The following ARHGAP35 variants were observed in gnomAD, a reference collection of about 807,000 sequenced individuals.
ARHGAP35 encodes rho GTPase-activating protein 35.
Under a neutral mutation model 111.1 loss-of-function variants are expected in ARHGAP35, and 15 were observed. That is an observed-to-expected ratio of 0.13 (90% CI 0.09 to 0.21). ARHGAP35 has a LOEUF of 0.21. Ranked by LOEUF, ARHGAP35 falls within the 10% of genes least tolerant of loss-of-function variation. ARHGAP35 has a pLI of 1.00. For missense variants in ARHGAP35, 1,262 were observed against 1,873.0 expected (o/e 0.67, Z 6.02); for synonymous variants, 643 against 710.3 (o/e 0.91, Z 1.51).
intron 3 of ARHGAP35, among the ~76,000 whole-genome samples, chr19:46,974,541 C>T (rs561296517): frequency 4.6e-5 from 7 of 152,242 alleles, no homozygotes; most frequent in African/African-American, 9.6e-5. Flanking sequence ...TATGCAAGGG[C>T]GGCGATTCAC....
chr19:46,922,265 G>T lies in ARHGAP35; in HGVS notation c.3590G>T (p.Gly1197Val). 6.2e-7 allele frequency: 1 copy of T among 1,613,990 alleles called. No individual in the cohort carries two copies. The highest frequency in any genetic ancestry group is 8.5e-7 in the Non-Finnish European group (1 of 1,179,892). ...RKKEEDQASQGYKGDNAVIPY... is the reference protein window; with the variant it reads ...RKKEEDQASQVYKGDNAVIPY... ...AAAGAGGAGGATCAGGCATCCCAGG[G>T]TTATAAAGGGGACAATGCTGTCATT... The change falls in exon 2 of 7, where the codon GGT becomes GTT. Residue 1197 changes from glycine to valine, a missense_variant. Transcript: ENST00000672722. The surrounding 1 kb of genome is among the most constrained non-coding windows in gnomAD (Gnocchi z 4.0).
intron 1 of ARHGAP35, among the ~76,000 whole-genome samples, chr19:46,892,468 CAAAAAAA>C (rs982546554): frequency 1.5e-4 from 10 of 67,120 alleles, no homozygotes; most frequent in Non-Finnish European, 2.1e-4. Context: ...AACCCTGTCT[CAAAAAAA>C]AAAAAAAAAA....
In ARHGAP35 at chr19:46,994,618, C is replaced by T. The variant is rs1351649985; in HGVS notation, c.4037-4686C>T. Among the ~76,000 whole-genome samples, 1 of 152,134 alleles carries T rather than the reference C, an allele frequency of 6.6e-6. No homozygotes were observed. The highest frequency in any genetic ancestry group is 2.4e-5 in the African/African-American group (1 of 41,432). ...TGAGGATGGTGGTCAGGAGGGGAAA[C>T]AGAGGCAGGGCCAGGAAGGCCTCGA... On this transcript the variant is annotated intron_variant, in intron 5 of 6. Coordinates refer to ENST00000672722, the MANE Select transcript of ARHGAP35 (RefSeq NM_004491.5). This position sits in a 1 kb window ranked among gnomAD's most constrained non-coding sequence, Gnocchi z 5.4.
rs2122202868 is a variant in ARHGAP35, at chr19:46,922,985, C to T, written c.3681+629C>T. 6.6e-6 allele frequency among the ~76,000 whole-genome samples: 1 copy of T among 152,058 alleles called. No individual in the cohort carries two copies. The highest frequency in any genetic ancestry group is 1.5e-5 in the Non-Finnish European group (1 of 68,016). On this transcript the variant is annotated intron_variant, in intron 2 of 6. Coordinates refer to ENST00000672722, the MANE Select transcript of ARHGAP35 (RefSeq NM_004491.5). The surrounding 1 kb of genome is among the most constrained non-coding windows in gnomAD (Gnocchi z 4.0). The stretch of plus-strand genomic sequence containing the variant: ...AGTTGCTGCTGCTATCAGTCAGAAA[C>T]TCGGATTTTATTTAGGGATCACAAA...
At chr19:46,979,483 A>G (rs2056608747) in intron 3 of ARHGAP35, among the ~76,000 whole-genome samples, 1 of 152,124 alleles carries the variant, frequency 6.6e-6, no homozygotes, top group African/African-American at 2.4e-5. Context: ...AGCTGTTGGG[A>G]TATGCATTTT....
chr19:46,867,334 T>C (rs2055863634), intron 1 of ARHGAP35, among the ~76,000 whole-genome samples: 1 of 152,226 alleles, frequency 6.6e-6, no homozygotes, highest in African/African-American at 2.4e-5. Context: ...TTTGCTCTCC[T>C]GATATCTCTG....
intron 5 of ARHGAP35, among the ~76,000 whole-genome samples, chr19:46,996,895 C>T (rs1034840058): frequency 6.6e-5 from 10 of 152,196 alleles, no homozygotes; most frequent in African/African-American, 2.4e-4. Context: ...CGGTGGCTCA[C>T]GCCTGTAATC....
At chr19:46,892,772 A>T (rs1004020742) in intron 1 of ARHGAP35, among the ~76,000 whole-genome samples, 1 of 151,608 alleles carries the variant, frequency 6.6e-6, no homozygotes, top group Admixed American at 6.6e-5. Flanking sequence ...AGTTCTTTCC[A>T]TAGGTTGATT....
intron 1 of ARHGAP35, among the ~76,000 whole-genome samples, chr19:46,862,107 C>T (rs941870493): frequency 7.2e-5 from 11 of 152,074 alleles, no homozygotes; most frequent in Non-Finnish European, 2.9e-5. Context: ...TCTTCCAGAC[C>T]TTTCTGCCTC....
intron 1 of ARHGAP35, among the ~76,000 whole-genome samples, chr19:46,897,435 G>A (rs1369764272): frequency 6.7e-6 from 1 of 150,312 alleles, no homozygotes; most frequent in Non-Finnish European, 1.5e-5. Flanking sequence ...GAAGGTAGTG[G>A]GTTTATTTTG....
In ARHGAP35 at chr19:46,919,131, C is replaced by A. The variant is rs753062854; in HGVS notation, c.456C>A (p.Asp152Glu). Reference sequence around the variant, plus strand: ...ACTTTGAGCAGAAACAAATGCCAGACGGAAAGCTGCTGGTTGATGGTTTTC... The same window carrying A: ...ACTTTGAGCAGAAACAAATGCCAGAAGGAAAGCTGCTGGTTGATGGTTTTC... ...EQDFEQKQMP[D>E]GKLLVDGFLL... The change falls in exon 2 of 7, where the codon GAC becomes GAA. Residue 152 changes from aspartate (D) to glutamate (E), a missense_variant. By Grantham distance (45) the Asp-to-Glu change is conservative. Transcript: ENST00000672722. The surrounding 1 kb of genome is among the most constrained non-coding windows in gnomAD (Gnocchi z 6.2). 1.9e-6 allele frequency: 3 copies of A among 1,613,906 alleles called. No individual in the cohort carries two copies. The highest frequency in any genetic ancestry group is 2.5e-6 in the Non-Finnish European group (3 of 1,179,878).
chr19:46,934,597 T>A (rs993750346), intron 2 of ARHGAP35, among the ~76,000 whole-genome samples: 2 of 151,072 alleles, frequency 1.3e-5, no homozygotes, highest in Admixed American at 6.6e-5. Context: ...GAACTCCTGA[T>A]CTCAGGTGAT....
rs10674311 is a variant in ARHGAP35, at chr19:46,869,296, G to GTA, written c.-189+8096_-189+8097dup. 5.3e-3 allele frequency among the ~76,000 whole-genome samples: 798 copies of GTA among 151,632 alleles called. 10 individuals are homozygous for GTA. The highest frequency in any genetic ancestry group is 0.019 in the African/African-American group (775 of 41,380). On this transcript the variant is annotated intron_variant, in intron 1 of 6. Coordinates refer to ENST00000672722, the MANE Select transcript of ARHGAP35 (RefSeq NM_004491.5). ...GTTACAGCTAATAGCCTCCTGAGGT[G>GTA]TATATATATAGTTGGCCAGGCGTGG...
chr19:46,922,113 G>T lies in ARHGAP35; in HGVS notation c.3438G>T (p.Gly1146=), dbSNP rs1568468669. ...SEMDTSSLER[G]RKVSIVSKPV... ...TGGACACCAGCTCTCTAGAGCGAGG[G>T]CGCAAGGTTTCCATCGTGAGCAAGC... The change falls in exon 2 of 7, where the codon GGG becomes GGT. Residue 1146 remains glycine, a synonymous_variant. Coordinates refer to ENST00000672722, the MANE Select transcript of ARHGAP35 (RefSeq NM_004491.5). This position sits in a 1 kb window ranked among gnomAD's most constrained non-coding sequence, Gnocchi z 4.0. The T allele has an allele frequency of 1.9e-6, 3 of 1,614,046 alleles. No homozygotes were observed. In the African/African-American group the frequency reaches 4.0e-5, roughly 22 times the overall value.
At position 46,920,261 on chromosome 19, in the gene ARHGAP35, G is replaced by A. The variant is rs1200949697; in HGVS notation, c.1586G>A (p.Arg529Gln). The part of the protein sequence containing the change: ...VIQDVLGEEQ[R>Q]FKALQKLQAE... ...CAGGATGTTCTGGGAGAGGAACAGC[G>A]ATTTAAAGCATTACAAAAGCTCCAA... is the stretch of plus-strand genomic sequence containing the variant. The change falls in exon 2 of 7, where the codon CGA becomes CAA. Residue 529 changes from arginine to glutamine, a missense_variant. This residue lies in a region of ARHGAP35 where 328 missense variants were observed against 440.8 expected (regional missense o/e 0.74). Coordinates refer to ENST00000672722, the MANE Select transcript of ARHGAP35 (RefSeq NM_004491.5). This position sits in a 1 kb window ranked among gnomAD's most constrained non-coding sequence, Gnocchi z 7.0. 6 of 1,613,976 alleles carry A rather than the reference G, an allele frequency of 3.7e-6. No homozygotes were observed. The highest frequency in any genetic ancestry group is 4.5e-5 in the East Asian group (2 of 44,886).
At chr19:46,929,855 A>G (rs933824488) in intron 2 of ARHGAP35, among the ~76,000 whole-genome samples, 1 of 151,494 alleles carries the variant, frequency 6.6e-6, no homozygotes, top group Non-Finnish European at 1.5e-5. Flanking sequence ...TGGAGTTTGC[A>G]GTGAACCAAG....
chr19:46,873,620 G>A (rs1406462824), intron 1 of ARHGAP35, among the ~76,000 whole-genome samples: 42 of 137,014 alleles, frequency 3.1e-4, no homozygotes. Context: ...CTGGCTGACA[G>A]AGCGAGACTC....
intron 1 of ARHGAP35, among the ~76,000 whole-genome samples, chr19:46,917,471 G>A (rs1394085426): frequency 2.6e-5 from 4 of 152,062 alleles, no homozygotes; most frequent in Admixed American, 1.3e-4. Context: ...AGCTGGGCAC[G>A]GTGGCGCATG....
intron 1 of ARHGAP35, among the ~76,000 whole-genome samples, chr19:46,900,621 T>G (rs2056079748): frequency 2.0e-5 from 3 of 152,230 alleles, no homozygotes; most frequent in Admixed American, 2.0e-4. Context: ...GTTTTTTCTT[T>G]GGACACTAAT....
Sources: gnomAD v4.1 joint callset for allele counts (sites outside exome capture counted in the v4.1 genomes callset) on GRCh38, gnomAD v4.1.1 for gene constraint, gnomAD v4.1.1 regional missense constraint, Gnocchi (gnomAD v3.1) non-coding constraint, MANE v1.5 for transcripts, NCBI Gene and HGNC (gene_info 2026-07-23, HGNC 2026-07-21) for gene names.